Variants in LURAP1L observed in about 807,000 individuals in gnomAD.
LURAP1L encodes leucine rich adaptor protein 1 like.
A neutral mutation model predicts 13.8 loss-of-function variants in LURAP1L; 12 were observed. The ratio of observed to expected loss-of-function variants is 0.87; its 90% CI spans 0.56 to 1.41. LURAP1L has a LOEUF of 1.41. Ranked by LOEUF, LURAP1L falls within the 40% of genes most tolerant of loss-of-function variation. The pLI is 0.00. For synonymous variants in LURAP1L, 139 were observed against 119.2 expected, an observed-to-expected ratio of 1.17 and a Z score of -1.08; for missense variants, 375 against 292.9, an observed-to-expected ratio of 1.28 and a Z score of -2.04.
At chr9:12,782,057 T>C (rs1227556746) in intron 1 of LURAP1L, among the ~76,000 whole-genome samples, 3 of 152,250 alleles carry the variant, frequency 2.0e-5, no homozygotes, top group Non-Finnish European at 4.4e-5. Flanking sequence ...TGGATGTCTT[T>C]TGAGAAATGT....
chr9:12,777,737 A>G (rs1819211099), intron 1 of LURAP1L: 1 of 241,470 alleles, frequency 4.1e-6, no homozygotes, highest in Non-Finnish European at 6.7e-6. Context: ...ATTGGTATGT[A>G]TGTGAAGATC....
intron 1 of LURAP1L, among the ~76,000 whole-genome samples, chr9:12,802,770 A>G (rs560535045): frequency 6.6e-6 from 1 of 152,248 alleles, no homozygotes; most frequent in East Asian, 1.9e-4. Flanking sequence ...TCTCGGGGTT[A>G]TCTTTGCTCA....
chr9:12,811,829 C>T (rs77182710), intron 1 of LURAP1L, among the ~76,000 whole-genome samples: 2,566 of 152,238 alleles, frequency 0.017, 80 homozygotes, highest in African/African-American at 0.059. Flanking sequence ...GGGCACAGAT[C>T]AAGTGAAGGC....
At chr9:12,789,953 G>T (rs1819417939) in intron 1 of LURAP1L, among the ~76,000 whole-genome samples, 1 of 152,228 alleles carries the variant, frequency 6.6e-6, no homozygotes, top group East Asian at 1.9e-4. Context: ...CGACAAAATT[G>T]TATTGCAAAT....
At chr9:12,796,918 A>G (rs1332732033) in intron 1 of LURAP1L, among the ~76,000 whole-genome samples, 2 of 149,130 alleles carry the variant, frequency 1.3e-5, no homozygotes, top group African/African-American at 5.0e-5. Flanking sequence ...TTAAGGTTTG[A>G]GTAAGATTAG....
intron 1 of LURAP1L, among the ~76,000 whole-genome samples, chr9:12,804,376 G>A (rs200237446): frequency 1.4e-5 from 2 of 139,540 alleles, no homozygotes; most frequent in South Asian, 2.2e-4. Context: ...ACAAAGTCTC[G>A]CTGTGTCAGC....
At position 12,794,567 on chromosome 9, in the gene LURAP1L, A is replaced by G. The variant is rs115918981; in HGVS notation, c.312+18540A>G. 2.5e-3 allele frequency among the ~76,000 whole-genome samples: 386 copies of G among 152,210 alleles called. 2 individuals carry two copies. The highest frequency in any genetic ancestry group is 8.9e-3 in the African/African-American group (368 of 41,574). Reference sequence around the variant, plus strand: ...CATACACTTGGAAATGAATTTAACAAGAATCATTTGCCATCTCTATGACCA... The same window carrying G: ...CATACACTTGGAAATGAATTTAACAGGAATCATTTGCCATCTCTATGACCA... On this transcript the variant is annotated intron_variant, in intron 1 of 1. Transcript: ENST00000319264.
At position 12,775,787 on chromosome 9, in the gene LURAP1L, A is replaced by G; in HGVS notation, c.72A>G (p.Leu24=). ...TGGGGCGCAAAGTACCCGAGAGTCT[A>G]GTGCGCTCTCTCCGTGGGGAGGAGC... ...LKLGRKVPES[L]VRSLRGEEPV... The change falls in exon 1 of 2, where the codon CTA becomes CTG. Residue 24 remains leucine, a synonymous_variant. Coordinates refer to ENST00000319264, the MANE Select transcript of LURAP1L (RefSeq NM_203403.2). 1 of 1,610,564 alleles carries G rather than the reference A, an allele frequency of 6.2e-7. No individual in the cohort carries two copies. The highest frequency in any genetic ancestry group is 8.5e-7 in the Non-Finnish European group (1 of 1,178,978).
chr9:12,807,118 T>TATATATATATATATATATATATATATATA (rs1563896115), intron 1 of LURAP1L, among the ~76,000 whole-genome samples: 13 of 133,728 alleles, frequency 9.7e-5, no homozygotes, highest in East Asian at 2.3e-4. Context: ...TATATATATA[T>TATATATATATATATATATATATATATATA]TAGCCGGGCG....
intron 1 of LURAP1L, among the ~76,000 whole-genome samples, chr9:12,820,517 A>G (rs1353654467): frequency 1.5e-5 from 1 of 68,820 alleles, no homozygotes; most frequent in Non-Finnish European, 3.5e-5. Flanking sequence ...CCCCCCCCAA[A>G]AAAAAAAAAG....
chr9:12,799,605 G>T (rs1485089687), intron 1 of LURAP1L, among the ~76,000 whole-genome samples: 2 of 152,124 alleles, frequency 1.3e-5, no homozygotes, highest in African/African-American at 4.8e-5. Context: ...ATTAGGCCGG[G>T]TGTGGTGGCT....
intron 1 of LURAP1L, among the ~76,000 whole-genome samples, chr9:12,788,768 C>G (rs1267995506): frequency 6.6e-6 from 1 of 150,408 alleles, no homozygotes; most frequent in Non-Finnish European, 1.5e-5. Flanking sequence ...AGGTTACTTT[C>G]TTTTTCTTAA....
At chr9:12,777,699 G>T (rs955784386) in intron 1 of LURAP1L, 2 of 450,054 alleles carry the variant, frequency 4.4e-6, no homozygotes, top group African/African-American at 4.3e-5. Flanking sequence ...TCCAAAAACC[G>T]ATGAACCCCA....
intron 1 of LURAP1L, among the ~76,000 whole-genome samples, chr9:12,807,081 C>A (rs1401922055): frequency 8.7e-6 from 1 of 114,886 alleles, no homozygotes; most frequent in Non-Finnish European, 1.7e-5. Flanking sequence ...CGGCGAAGCC[C>A]TGTCTCTACT....
Position 12,806,905 on chromosome 9 carries a change from T to C in LURAP1L, c.313-14481T>C, listed in dbSNP as rs556727524. Reference sequence around the variant, plus strand: ...CTTTTTGCCCCTCAGTTAGTTCTTTTGCCACTATTCAACTATATCACTCTA... The same window carrying C: ...CTTTTTGCCCCTCAGTTAGTTCTTTCGCCACTATTCAACTATATCACTCTA... On this transcript the variant is annotated intron_variant, in intron 1 of 1. Transcript: ENST00000319264. Among the ~76,000 whole-genome samples the C allele has an allele frequency of 7.3e-5, 11 of 150,194 alleles. No homozygotes were observed. In the East Asian group the frequency reaches 2.2e-3, roughly 30 times the overall value.
chr9:12,793,678 A>C (rs1040310715), intron 1 of LURAP1L, among the ~76,000 whole-genome samples: 5 of 152,196 alleles, frequency 3.3e-5, no homozygotes, highest in Admixed American at 3.3e-4. Flanking sequence ...GATCTTAATG[A>C]CCATTGTGCA....
chr9:12,790,269 T>C (rs1819422295), intron 1 of LURAP1L, among the ~76,000 whole-genome samples: 1 of 152,218 alleles, frequency 6.6e-6, no homozygotes, highest in South Asian at 2.1e-4. Flanking sequence ...CACTATCTTT[T>C]TCTCCTGCAG....
chr9:12,780,476 GAT>G (rs1819254824), intron 1 of LURAP1L, among the ~76,000 whole-genome samples: 1 of 152,182 alleles, frequency 6.6e-6, no homozygotes, highest in South Asian at 2.1e-4. Context: ...TGGATGTTGA[GAT>G]ATAACTAGGA....
At chr9:12,802,425 G>C (rs578146127) in intron 1 of LURAP1L, among the ~76,000 whole-genome samples, 50 of 152,210 alleles carry the variant, frequency 3.3e-4, no homozygotes, top group African/African-American at 1.2e-3. Flanking sequence ...GTCTTTAAAA[G>C]TATGTGACAC....
Sources: allele counts gnomAD v4.1 joint callset (sites outside exome capture counted in the v4.1 genomes callset), GRCh38; gene constraint gnomAD v4.1.1; transcripts MANE v1.5; gene names NCBI Gene and HGNC (gene_info 2026-07-23, HGNC 2026-07-21).